The following NDC1 variants were observed in gnomAD, a reference collection of about 807,000 sequenced individuals.
The protein encoded by NDC1 is NDC1 transmembrane nucleoporin.
In NDC1, 24 loss-of-function variants were observed where a neutral mutation model predicts 89.8. The ratio of observed to expected loss-of-function variants is 0.27; its 90% CI spans 0.19 to 0.38. NDC1 has a LOEUF of 0.38. NDC1 is among the 10% of genes least tolerant of loss of function. NDC1 has a pLI of 1.00. For missense variants in NDC1, 728 were observed against 797.6 expected (o/e 0.91, Z 1.05); for synonymous variants, 296 against 284.8 (o/e 1.04, Z -0.39).
intron 9 of NDC1, among the ~76,000 whole-genome samples, chr1:53,805,393 A>G (rs1458625419): frequency 6.6e-6 from 1 of 152,144 alleles, no homozygotes; most frequent in African/African-American, 2.4e-5. Context: ...TTTTGTTGAG[A>G]TGAGGTCTCC....
chr1:53,825,943 G>A lies in NDC1; in HGVS notation c.456-7C>T, dbSNP rs756571254. 2.1e-5 allele frequency: 34 copies of A among 1,608,736 alleles called. No homozygotes were observed. Among genetic ancestry groups the A allele is most frequent in the South Asian group, 5.6e-5 (5 of 89,496 alleles). ...CGCAGCAGGGCTACCAAAGCTGAAG[G>A]GAAAAAATTAAGTTATTAATTCAAC... On this transcript the variant is annotated splice_region_variant and splice_polypyrimidine_tract_variant and intron_variant, in intron 4 of 17. Coordinates refer to ENST00000371429, the MANE Select transcript of NDC1 (RefSeq NM_018087.5).
rs1647064045 is a variant in NDC1, at chr1:53,766,157, T to C, written c.*1813A>G. The C allele has an allele frequency of 6.8e-6, 1 of 146,280 alleles. No individual in the cohort carries two copies. Among genetic ancestry groups the C allele is most frequent in the African/African-American group, 2.6e-5 (1 of 37,746 alleles). 9.1% of individuals were successfully genotyped at this position (146,280 alleles called of 1,614,324 possible). On this transcript the variant is annotated 3_prime_UTR_variant, in exon 18 of 18. Transcript: ENST00000371429. ...ATCAAATGTAGCTTTACCCAAAGTA[T>C]ATAGGAAATGGCAAAAACCTAACCT...
At position 53,767,941 on chromosome 1, in the gene NDC1, G is replaced by C; in HGVS notation, c.*29C>G. On this transcript the variant is annotated 3_prime_UTR_variant, in exon 18 of 18. Transcript: ENST00000371429. ...TGTCCCATCTGTAGTTGTATCAGCA[G>C]TGTAATGAACACAGTTTATATTACT... The C allele has an allele frequency of 7.2e-7, 1 of 1,396,396 alleles. No homozygotes were observed. Among genetic ancestry groups the C allele is most frequent in the Non-Finnish European group, 1.0e-6 (1 of 996,136 alleles). The allele number at this position is 1,396,396 out of a possible 1,614,324, so 86.5% of individuals were successfully genotyped here.
intron 16 of NDC1, among the ~76,000 whole-genome samples, chr1:53,783,584 C>T (rs1647238298): frequency 6.6e-6 from 1 of 152,174 alleles, no homozygotes; most frequent in Non-Finnish European, 1.5e-5. Context: ...AAATTTGTCA[C>T]CCAAAAGCAT....
intron 6 of NDC1, among the ~76,000 whole-genome samples, chr1:53,812,009 C>A (rs960633149): frequency 1.3e-5 from 2 of 152,152 alleles, no homozygotes; most frequent in Non-Finnish European, 2.9e-5. Context: ...AGAGAAACAA[C>A]AATCACTGCA....
intron 15 of NDC1, among the ~76,000 whole-genome samples, chr1:53,787,797 C>T (rs1402813709): frequency 1.3e-5 from 2 of 149,682 alleles, no homozygotes; most frequent in Admixed American, 6.7e-5. Flanking sequence ...CAGTCTCTGG[C>T]TTTACATTCT....
intron 17 of NDC1, 77 bp downstream of exon 17, chr1:53,772,252 C>G: frequency 7.7e-7 from 1 of 1,297,712 alleles, no homozygotes; most frequent in Non-Finnish European, 1.1e-6. Context: ...ACACATGAGC[C>G]TTATCATTCC....
chr1:53,767,824 C>T lies in NDC1; in HGVS notation c.*146G>A. On this transcript the variant is annotated 3_prime_UTR_variant, in exon 18 of 18. Coordinates refer to ENST00000371429, the MANE Select transcript of NDC1 (RefSeq NM_018087.5). ...TGAGAATTTCTTTCCATGATTTCTC[C>T]CATTAAAGTATAGTTTTCAAAGCAA... is the stretch of plus-strand genomic sequence containing the variant. 8 of 440,896 alleles carry T rather than the reference C, an allele frequency of 1.8e-5. No homozygotes were observed. The highest frequency in any genetic ancestry group is 6.3e-5 in the South Asian group (1 of 15,784). The allele number at this position is 440,896 out of a possible 1,614,324, so 27.3% of individuals were successfully genotyped here.
intron 8 of NDC1, 110 bp from the exon 9 acceptor site, chr1:53,806,627 C>T (rs1021493209): frequency 8.8e-6 from 5 of 566,666 alleles, no homozygotes; most frequent in Non-Finnish European, 1.1e-5. Context: ...TGACATCTTT[C>T]GTGCTCCTTG....
chr1:53,796,611 T>G (rs1570185850), intron 13 of NDC1, 78 bp downstream of exon 13: 1 of 812,118 alleles, frequency 1.2e-6, no homozygotes, highest in Admixed American at 2.8e-5. Context: ...TTCTTATTCC[T>G]GATGACTTAC....
At chr1:53,824,143 G>A (rs1213367820) in intron 5 of NDC1, among the ~76,000 whole-genome samples, 1 of 151,066 alleles carries the variant, frequency 6.6e-6, no homozygotes, top group Non-Finnish European at 1.5e-5. Flanking sequence ...ACTGAGGTAG[G>A]AGGACTGTTC....
intron 5 of NDC1, among the ~76,000 whole-genome samples, chr1:53,822,294 A>T (rs1648696868): frequency 3.9e-5 from 6 of 152,264 alleles, no homozygotes; most frequent in Admixed American, 3.9e-4. Context: ...GGACTGTGCC[A>T]CTGCACTCCG....
At chr1:53,786,348 C>A (rs1408411756) in intron 16 of NDC1, among the ~76,000 whole-genome samples, 1 of 152,216 alleles carries the variant, frequency 6.6e-6, no homozygotes, top group Non-Finnish European at 1.5e-5. Context: ...AAGAAGCCTA[C>A]TGCAAAGCAG....
intron 6 of NDC1, among the ~76,000 whole-genome samples, chr1:53,811,696 T>C (rs982618451): frequency 2.2e-5 from 3 of 137,088 alleles, no homozygotes; most frequent in East Asian, 4.6e-4. Flanking sequence ...ACAAAGGACA[T>C]ATAATCTTGG....
At chr1:53,775,401 C>T (rs956618308) in intron 16 of NDC1, among the ~76,000 whole-genome samples, 1 of 151,890 alleles carries the variant, frequency 6.6e-6, no homozygotes, top group Non-Finnish European at 1.5e-5. Flanking sequence ...GGATTACAGG[C>T]GCCCGCAACC....
chr1:53,787,142 C>T lies in NDC1; in HGVS notation c.1800+16G>A. On this transcript the variant is annotated intron_variant, in intron 16 of 17. Coordinates refer to ENST00000371429, the MANE Select transcript of NDC1 (RefSeq NM_018087.5). ...GAAGATGACCTCTACCCCCTCCCAACCCACAGATTTCTTACCTCTTGCAGT... is the reference window on the plus strand; with the variant it reads ...GAAGATGACCTCTACCCCCTCCCAATCCACAGATTTCTTACCTCTTGCAGT... 1 of 1,492,024 alleles carries T rather than the reference C, an allele frequency of 6.7e-7. No homozygotes were observed. 92.4% of individuals were successfully genotyped at this position (1,492,024 alleles called of 1,614,324 possible).
chr1:53,772,723 A>T lies in NDC1; in HGVS notation c.1801-234T>A, dbSNP rs1183026. On this transcript the variant is annotated intron_variant, in intron 16 of 17. Transcript: ENST00000371429. Reference sequence around the variant, plus strand: ...TAACATAACATAACATAACATAACAAAACAAAACAAACATAATATAACATA... The same window carrying T: ...TAACATAACATAACATAACATAACATAACAAAACAAACATAATATAACATA... 6.9e-3 allele frequency among the ~76,000 whole-genome samples: 819 copies of T among 118,594 alleles called. 8 individuals are homozygous for T. The highest frequency in any genetic ancestry group is 0.017 in the Middle Eastern group (4 of 230). The allele number at this position is 118,594 out of a possible 152,430, so 77.8% of individuals were successfully genotyped here. A position where few individuals can be genotyped will look rare whatever the true frequency, so the allele number is the denominator to read the frequency against.
chr1:53,784,580 C>T (rs371412750), intron 16 of NDC1, among the ~76,000 whole-genome samples: 2 of 152,180 alleles, frequency 1.3e-5, no homozygotes, highest in South Asian at 2.1e-4. Flanking sequence ...ATCACGAGGT[C>T]AGGAGATCAA....
At chr1:53,788,232 T>C (rs1454242955) in intron 15 of NDC1, among the ~76,000 whole-genome samples, 1 of 151,896 alleles carries the variant, frequency 6.6e-6, no homozygotes, top group East Asian at 1.9e-4. Flanking sequence ...AGTTTAAGGT[T>C]GCAGTGAGCT....
Sources: allele counts gnomAD v4.1 joint callset (sites outside exome capture counted in the v4.1 genomes callset), GRCh38; gene constraint gnomAD v4.1.1; transcripts MANE v1.5; gene names NCBI Gene and HGNC (gene_info 2026-07-23, HGNC 2026-07-21).